The following CGGBP1 variants were observed in gnomAD, a reference collection of about 807,000 sequenced individuals.
CGGBP1 encodes the protein CGG triplet repeat binding protein 1.
In CGGBP1, 4 loss-of-function variants were observed where a neutral mutation model predicts 11.4. The ratio of observed to expected loss-of-function variants is 0.35; its 90% CI spans 0.17 to 0.80. CGGBP1 has a LOEUF of 0.80. Among genes scored for constraint, CGGBP1 ranks in the 30% least tolerant of loss-of-function variants. The probability of loss-of-function intolerance (pLI) is 0.52; values close to 1 mark genes in which losing one functional copy is unlikely to be tolerated. For synonymous variants in CGGBP1, 76 were observed against 74.1 expected (o/e 1.03, Z -0.13); for missense variants, 135 against 202.1 (o/e 0.67, Z 2.01).
intron 2 of CGGBP1, among the ~76,000 whole-genome samples, chr3:88,072,628 C>T (rs148483824): frequency 3.9e-4 from 59 of 152,282 alleles, no homozygotes; most frequent in African/African-American, 1.2e-3. Context: ...CTTCCCTGAA[C>T]ACCCCATGTA....
intron 2 of CGGBP1, among the ~76,000 whole-genome samples, chr3:88,096,760 G>T (rs1237690091): frequency 6.6e-6 from 1 of 151,960 alleles, no homozygotes; most frequent in African/African-American, 2.4e-5. Flanking sequence ...AATTCGAAAA[G>T]TGTGGCGTAT....
At chr3:88,058,533 G>C (rs1176084580) in intron 1 of CGGBP1, among the ~76,000 whole-genome samples, 2 of 152,166 alleles carry the variant, frequency 1.3e-5, no homozygotes, top group Non-Finnish European at 2.9e-5. Flanking sequence ...CAGCACGCCG[G>C]CGCCCAGCCG....
chr3:88,116,551 TAC>T (rs1174244676), intron 2 of CGGBP1, among the ~76,000 whole-genome samples: 8 of 24,018 alleles, frequency 3.3e-4, no homozygotes, highest in Admixed American at 1.4e-3. Context: ...CATACATACA[TAC>T]ATATATATAC....
Position 88,139,832 on chromosome 3 carries a change from T to G in CGGBP1, c.-229+1138A>C, listed in dbSNP as rs569469594. ...ATGATTATGACCTGAATCAAGAAAC[T>G]TCAGTAATTCATAAAATCAATGGAA... On this transcript the variant is annotated intron_variant, in intron 2 of 3. Transcript: ENST00000462901. The G allele has an allele frequency of 3.8e-6, 6 of 1,573,980 alleles. No individual in the cohort carries two copies. The South Asian group carries it at 6.9e-5, about 18-fold the overall frequency.
At position 88,055,351 on chromosome 3, in the gene CGGBP1, A is replaced by C; in HGVS notation, c.*122T>G. 1.0e-6 allele frequency: 1 copy of C among 963,586 alleles called. No individual in the cohort carries two copies. The highest frequency in any genetic ancestry group is 1.5e-6 in the Non-Finnish European group (1 of 672,806). 59.7% of individuals were successfully genotyped at this position (963,586 alleles called of 1,614,324 possible). On this transcript the variant is annotated 3_prime_UTR_variant, in exon 4 of 4. Coordinates refer to ENST00000482016, the MANE Select transcript of CGGBP1 (RefSeq NM_001008390.2). The surrounding 1 kb of genome is among the most constrained non-coding windows in gnomAD (Gnocchi z 4.2). ...TTTTTTTGCCTGCAACTATATACAC[A>C]TTGCAAAACTATTCTGCGTCACATG...
intron 2 of CGGBP1, among the ~76,000 whole-genome samples, chr3:88,136,554 TA>T (rs1229953896): frequency 1.3e-5 from 2 of 152,200 alleles, no homozygotes; most frequent in African/African-American, 4.8e-5. Flanking sequence ...AGGGTAGTAC[TA>T]ACATTTGTAG....
At chr3:88,080,703 G>A (rs1032778291) in intron 2 of CGGBP1, among the ~76,000 whole-genome samples, 2 of 152,098 alleles carry the variant, frequency 1.3e-5, no homozygotes, top group African/African-American at 4.8e-5. Flanking sequence ...ATCTTGAGGT[G>A]CAAATAGGTA....
At chr3:88,145,572 A>G (rs1269376470) in intron 1 of CGGBP1, among the ~76,000 whole-genome samples, 4 of 152,116 alleles carry the variant, frequency 2.6e-5, no homozygotes, top group Non-Finnish European at 5.9e-5. Context: ...CTGGGAAGCA[A>G]CTACTACTAA....
At chr3:88,092,569 T>C (rs1703808060) in intron 2 of CGGBP1, among the ~76,000 whole-genome samples, 1 of 152,178 alleles carries the variant, frequency 6.6e-6, no homozygotes, top group South Asian at 2.1e-4. Context: ...AAACAGAATG[T>C]TTAAGGCACC....
chr3:88,085,874 G>A (rs1708311764), intron 2 of CGGBP1, among the ~76,000 whole-genome samples: 1 of 151,990 alleles, frequency 6.6e-6, no homozygotes, highest in Non-Finnish European at 1.5e-5. Context: ...AAATAATAAT[G>A]ATAATAATAA....
At chr3:88,122,030 A>G (rs1705799613) in intron 2 of CGGBP1, among the ~76,000 whole-genome samples, 3 of 152,156 alleles carry the variant, frequency 2.0e-5, no homozygotes, top group South Asian at 4.1e-4. Context: ...AGATGTCAAC[A>G]CTTAAGATAG....
intron 2 of CGGBP1, among the ~76,000 whole-genome samples, chr3:88,101,789 A>T (rs566240154): frequency 2.0e-5 from 3 of 152,298 alleles, no homozygotes; most frequent in Non-Finnish European, 4.4e-5. Context: ...CCAATTTCTT[A>T]TGGGGGTAGC....
intron 1 of CGGBP1, chr3:88,141,576 G>A: frequency 8.2e-7 from 1 of 1,216,612 alleles, no homozygotes; most frequent in South Asian, 1.8e-5. Flanking sequence ...AAATTAAACA[G>A]GAATCTGACT....
intron 2 of CGGBP1, among the ~76,000 whole-genome samples, chr3:88,076,521 TTTTA>T (rs1326585340): frequency 6.6e-6 from 1 of 152,182 alleles, no homozygotes; most frequent in Non-Finnish European, 1.5e-5. Flanking sequence ...TATGCCCTCC[TTTTA>T]TTTTTCTTTA....
At chr3:88,065,961 T>C (rs933404985) in intron 2 of CGGBP1, among the ~76,000 whole-genome samples, 6 of 152,164 alleles carry the variant, frequency 3.9e-5, no homozygotes, top group African/African-American at 1.4e-4. Flanking sequence ...TCTTAACTCC[T>C]GAGGTCAAGC....
chr3:88,139,340 T>A, intron 2 of CGGBP1: 1 of 1,607,626 alleles, frequency 6.2e-7, no homozygotes, highest in Non-Finnish European at 8.5e-7. Context: ...TTTTAGGTGG[T>A]CACATTGTAA....
At chr3:88,081,335 C>G (rs1708064791) in intron 2 of CGGBP1, among the ~76,000 whole-genome samples, 1 of 151,756 alleles carries the variant, frequency 6.6e-6, no homozygotes, top group South Asian at 2.1e-4. Flanking sequence ...TATATCTGTA[C>G]TGTCTTTATA....
chr3:88,070,351 A>T lies in CGGBP1; in HGVS notation c.-228-12128T>A, dbSNP rs1707433685. Among the ~76,000 whole-genome samples the T allele has an allele frequency of 2.6e-5, 4 of 152,210 alleles. No individual in the cohort carries two copies. The South Asian group carries it at 8.3e-4, about 32-fold the overall frequency. ...AAATTAAAATTTTATGCAGCCATAA[A>T]AAATGATCTTTTCAGTGTCCACGTA... is the stretch of plus-strand genomic sequence containing the variant. On this transcript the variant is annotated intron_variant, in intron 2 of 3. Transcript: ENST00000462901.
intron 2 of CGGBP1, among the ~76,000 whole-genome samples, chr3:88,098,748 A>C (rs1479190362): frequency 4.6e-5 from 7 of 152,234 alleles, no homozygotes; most frequent in African/African-American, 1.7e-4. Context: ...TTATCTCAAT[A>C]GATGCAGAAA....
Sources: gnomAD v4.1 joint callset for allele counts (sites outside exome capture counted in the v4.1 genomes callset) on GRCh38, gnomAD v4.1.1 for gene constraint, Gnocchi (gnomAD v3.1) non-coding constraint, MANE v1.5 for transcripts, NCBI Gene and HGNC (gene_info 2026-07-23, HGNC 2026-07-21) for gene names.